The following PRKN variants were observed in gnomAD, a reference collection of about 807,000 sequenced individuals.
PRKN encodes parkin RBR E3 ubiquitin protein ligase, also known as E3 ubiquitin-protein ligase parkin.
In PRKN, 56 loss-of-function variants were observed where a neutral mutation model predicts 59.5. That is an observed-to-expected ratio of 0.94 (90% CI 0.76 to 1.18). The LOEUF is 1.18. PRKN is among the 50% of genes most tolerant of loss of function. PRKN has a pLI of 0.00. For missense variants in PRKN, 657 were observed against 596.4 expected (o/e 1.10, Z -1.06); for synonymous variants, 250 against 222.1 (o/e 1.13, Z -1.12).
At chr6:162,523,292 G>C (rs1214110469) in intron 1 of PRKN, among the ~76,000 whole-genome samples, 1 of 152,180 alleles carries the variant, frequency 6.6e-6, no homozygotes, top group South Asian at 2.1e-4. Flanking sequence ...TTGTTGTTTA[G>C]ATATTAGATG....
chr6:162,459,520 C>G (rs145614699), intron 1 of PRKN, among the ~76,000 whole-genome samples: 71 of 152,224 alleles, frequency 4.7e-4, no homozygotes, highest in Middle Eastern at 3.4e-3. Flanking sequence ...ATTACATTTA[C>G]GAGCGTATTT....
intron 9 of PRKN, among the ~76,000 whole-genome samples, chr6:161,398,529 T>C (rs1786876935): frequency 6.6e-6 from 1 of 152,158 alleles, no homozygotes; most frequent in Admixed American, 6.5e-5. Context: ...AGCTCATTCA[T>C]TCAACCAAAA....
chr6:162,526,247 T>C (rs1778276810), intron 1 of PRKN, among the ~76,000 whole-genome samples: 1 of 126,626 alleles, frequency 7.9e-6, no homozygotes, highest in South Asian at 2.8e-4. Flanking sequence ...AGAACTATAA[T>C]GCAGAACCTC....
rs374007193 is a variant in PRKN at position 162,463,353 on chromosome 6, T to G, written c.8-19880A>C. Among the ~76,000 whole-genome samples the G allele has an allele frequency of 2.6e-5, 4 of 152,132 alleles. No homozygotes were observed. The South Asian group carries it at 6.2e-4, about 24-fold the overall frequency. On this transcript the variant is annotated intron_variant, in intron 1 of 11. Transcript: ENST00000366898. ...TCTAATAAGAAACAAAACCCAAATCTTTCTGTTAGGAGATTATTCTCCATG... is the reference window on the plus strand; with the variant it reads ...TCTAATAAGAAACAAAACCCAAATCGTTCTGTTAGGAGATTATTCTCCATG...
intron 9 of PRKN, among the ~76,000 whole-genome samples, chr6:161,455,625 G>T (rs1187742575): frequency 6.6e-6 from 1 of 152,030 alleles, no homozygotes. Context: ...CAGCACTTTG[G>T]GAGGCTGACG....
chr6:162,515,077 A>G (rs1437952406), intron 1 of PRKN, among the ~76,000 whole-genome samples: 2 of 140,268 alleles, frequency 1.4e-5, no homozygotes, highest in Admixed American at 7.5e-5. Flanking sequence ...TTTGACAACT[A>G]TTTTTACTTT....
chr6:162,325,872 AT>A (rs1420681051), intron 2 of PRKN, among the ~76,000 whole-genome samples: 1 of 152,160 alleles, frequency 6.6e-6, no homozygotes, highest in Admixed American at 6.5e-5. Context: ...AATTGTATAC[AT>A]TTTATAAATT....
chr6:161,679,272 A>G (rs1198610833), intron 7 of PRKN, among the ~76,000 whole-genome samples: 1 of 152,172 alleles, frequency 6.6e-6, no homozygotes, highest in Non-Finnish European at 1.5e-5. Context: ...ACAGTGTTTT[A>G]TCTTTCAAAG....
intron 2 of PRKN, among the ~76,000 whole-genome samples, chr6:162,404,367 C>CAA (rs561461282): frequency 0.095 from 13,140 of 138,768 alleles, 715 homozygotes; most frequent in African/African-American, 0.16. Context: ...GAGACTCTGT[C>CAA]AGAAAAAAAA....
At chr6:162,693,155 C>T (rs1196943346) in intron 1 of PRKN, among the ~76,000 whole-genome samples, 4 of 152,094 alleles carry the variant, frequency 2.6e-5, no homozygotes, top group Non-Finnish European at 5.9e-5. Context: ...AACTTGTTGC[C>T]AATGACTATC....
intron 1 of PRKN, among the ~76,000 whole-genome samples, chr6:162,450,417 C>G (rs1050114914): frequency 2.2e-4 from 33 of 149,402 alleles, no homozygotes; most frequent in Admixed American, 2.2e-3. Context: ...GATTGTAACA[C>G]CCCTGTGATT....
chr6:161,751,685 G>A (rs900350606), intron 7 of PRKN, among the ~76,000 whole-genome samples: 2 of 152,194 alleles, frequency 1.3e-5, no homozygotes, highest in Non-Finnish European at 2.9e-5. Flanking sequence ...GGAGAATTCA[G>A]CTGTGAGCCA....
chr6:162,192,676 T>C (rs1377788264), intron 4 of PRKN, among the ~76,000 whole-genome samples: 1 of 151,928 alleles, frequency 6.6e-6, no homozygotes, highest in Non-Finnish European at 1.5e-5. Context: ...TAGTCACTCC[T>C]TATAGTATAC....
At chr6:161,897,823 C>CT (rs1777697510) in intron 6 of PRKN, among the ~76,000 whole-genome samples, 1 of 134,844 alleles carries the variant, frequency 7.4e-6, no homozygotes, top group South Asian at 2.5e-4. Context: ...CAAAAAGTTC[C>CT]GGGCGTAGTG....
At position 161,623,906 on chromosome 6, in the gene PRKN, C is replaced by T. The variant is rs185404198; in HGVS notation, c.872-54490G>A. Among the ~76,000 whole-genome samples, 4 of 152,264 alleles carry T rather than the reference C, an allele frequency of 2.6e-5. No homozygotes were observed. The East Asian group carries it at 7.7e-4, about 29-fold the overall frequency. ...AAGAAATATGTATGTTTATATTGAA[C>T]TGGCTAATTTAATGGCTGCTTTGAC... On this transcript the variant is annotated intron_variant, in intron 7 of 11. Coordinates refer to ENST00000366898, the MANE Select transcript of PRKN (RefSeq NM_004562.3).
Position 162,418,485 on chromosome 6 carries a change from T to C in PRKN, c.171+24825A>G, listed in dbSNP as rs57565319. ...GGTATGCTTAAATGGGTGAAGTGCA[T>C]AGCATGTGGACTGCATATCAACAAA... On this transcript the variant is annotated intron_variant, in intron 2 of 11. Coordinates refer to ENST00000366898, the MANE Select transcript of PRKN (RefSeq NM_004562.3). Among the ~76,000 whole-genome samples, 601 of 152,144 alleles carry C rather than the reference T, an allele frequency of 4.0e-3. 7 individuals are homozygous for C. The highest frequency in any genetic ancestry group is 0.014 in the African/African-American group (576 of 41,524).
rs529261133 is a variant in PRKN, at chr6:162,329,462, G to A, written c.172-66697C>T. Among the ~76,000 whole-genome samples the A allele has an allele frequency of 2.1e-3, 324 of 152,214 alleles. 1 individual carries two copies. Among genetic ancestry groups the A allele is most frequent in the Admixed American group, 5.6e-3 (86 of 15,282 alleles). ...GTTTAACAACCGTTGCAGCAGTACCGGGTTGGAAGGGACTCCGTAAGCAAG... is the reference window on the plus strand; with the variant it reads ...GTTTAACAACCGTTGCAGCAGTACCAGGTTGGAAGGGACTCCGTAAGCAAG... On this transcript the variant is annotated intron_variant, in intron 2 of 11. Transcript: ENST00000366898.
chr6:161,750,118 TACACACACAC>T (rs955038865), intron 7 of PRKN, among the ~76,000 whole-genome samples: 1 of 137,738 alleles, frequency 7.3e-6, no homozygotes, highest in Non-Finnish European at 1.6e-5. Context: ...TATATATATA[TACACACACAC>T]ACACACACAC....
At chr6:162,151,519 C>T (rs1470075067) in intron 4 of PRKN, among the ~76,000 whole-genome samples, 6 of 152,138 alleles carry the variant, frequency 3.9e-5, no homozygotes, top group Non-Finnish European at 7.3e-5. Context: ...TCTTATCTAG[C>T]CTATAGAAAT....
Sources: gnomAD v4.1 joint callset for allele counts (sites outside exome capture counted in the v4.1 genomes callset) on GRCh38, gnomAD v4.1.1 for gene constraint, MANE v1.5 for transcripts, NCBI Gene and HGNC (gene_info 2026-07-23, HGNC 2026-07-21) for gene names.